The following CLINT1 variants were observed in gnomAD, a reference collection of about 807,000 sequenced individuals.
CLINT1 encodes clathrin interactor 1.
Under a neutral mutation model 70.4 loss-of-function variants are expected in CLINT1, and 15 were observed. That is an observed-to-expected ratio of 0.21 (90% CI 0.14 to 0.33). The LOEUF is 0.33. Among genes scored for constraint, CLINT1 ranks in the 10% least tolerant of loss-of-function variants. The pLI, the probability that CLINT1 is intolerant of heterozygous loss-of-function variation, is 1.00. For missense variants in CLINT1, 615 were observed against 778.1 expected, an observed-to-expected ratio of 0.79 and a Z score of 2.49; for synonymous variants, 227 against 254.7, an observed-to-expected ratio of 0.89 and a Z score of 1.04.
At chr5:157,790,411 G>A in intron 10 of CLINT1, 1 of 283,728 alleles carries the variant, frequency 3.5e-6, no homozygotes, top group South Asian at 3.4e-5. Flanking sequence ...GGAGAAAGAA[G>A]CAGAGGTTCC....
intron 1 of CLINT1, among the ~76,000 whole-genome samples, chr5:157,833,393 TA>T: frequency 6.6e-6 from 1 of 151,874 alleles, no homozygotes; most frequent in African/African-American, 2.4e-5. Flanking sequence ...TAACAAGATA[TA>T]AAAGGTCCTT....
intron 1 of CLINT1, among the ~76,000 whole-genome samples, chr5:157,840,290 T>C (rs1255399508): frequency 7.5e-6 from 1 of 133,610 alleles, no homozygotes; most frequent in African/African-American, 2.8e-5. Flanking sequence ...GTTTCCAAAA[T>C]GCCTGTCGTG....
intron 1 of CLINT1, among the ~76,000 whole-genome samples, chr5:157,847,505 C>T (rs1030458093): frequency 4.7e-5 from 7 of 149,326 alleles, no homozygotes; most frequent in Non-Finnish European, 7.5e-5. Context: ...AGCAAGACTC[C>T]GTCTCAAAAA....
intron 1 of CLINT1, among the ~76,000 whole-genome samples, chr5:157,828,699 G>A (rs1235335797): frequency 1.3e-5 from 2 of 152,002 alleles, no homozygotes; most frequent in Non-Finnish European, 2.9e-5. Flanking sequence ...AATTGCTAAA[G>A]AAGTATCCCT....
At chr5:157,857,866 C>T (rs192858514) in intron 1 of CLINT1, among the ~76,000 whole-genome samples, 20 of 152,258 alleles carry the variant, frequency 1.3e-4, no homozygotes, top group Middle Eastern at 3.4e-3. Flanking sequence ...TTCCTGGTGT[C>T]AAGAAAACAG....
At chr5:157,823,823 G>A in intron 1 of CLINT1, 1 of 317,920 alleles carries the variant, frequency 3.1e-6, no homozygotes, top group Non-Finnish European at 4.5e-6. Context: ...TGCATGGCAG[G>A]ACATGAGCAG....
intron 1 of CLINT1, among the ~76,000 whole-genome samples, chr5:157,817,910 A>C (rs1267659358): frequency 6.6e-6 from 1 of 152,236 alleles, no homozygotes; most frequent in African/African-American, 2.4e-5. Context: ...GATCTGGTTT[A>C]CATGCAATGC....
At chr5:157,825,628 AG>A (rs1424610776) in intron 1 of CLINT1, among the ~76,000 whole-genome samples, 3 of 152,228 alleles carry the variant, frequency 2.0e-5, no homozygotes, top group Non-Finnish European at 2.9e-5. Flanking sequence ...TTAAAATTAC[AG>A]AAAATGCTGT....
intron 3 of CLINT1, among the ~76,000 whole-genome samples, chr5:157,815,120 T>TACATAC (rs1554099946): frequency 7.0e-6 from 1 of 142,116 alleles, no homozygotes; most frequent in Non-Finnish European, 1.6e-5. Flanking sequence ...TCTTCACACA[T>TACATAC]ACACACACAC....
At chr5:157,848,508 A>ATT (rs879596346) in intron 1 of CLINT1, among the ~76,000 whole-genome samples, 3 of 144,478 alleles carry the variant, frequency 2.1e-5, no homozygotes, top group Non-Finnish European at 3.1e-5. Context: ...ACTGAATCCA[A>ATT]TTTTTTTTTT....
intron 1 of CLINT1, among the ~76,000 whole-genome samples, chr5:157,845,216 G>C (rs1753327493): frequency 6.6e-6 from 1 of 152,074 alleles, no homozygotes; most frequent in Non-Finnish European, 1.5e-5. Flanking sequence ...TGGCGTGGTG[G>C]CACACGCTTG....
chr5:157,788,475 A>G (rs1417246101), intron 11 of CLINT1, among the ~76,000 whole-genome samples: 1 of 152,236 alleles, frequency 6.6e-6, no homozygotes, highest in Admixed American at 6.5e-5. Flanking sequence ...GAAGATTTAT[A>G]CAAAATCTTG....
At chr5:157,845,408 T>C (rs1219696196) in intron 1 of CLINT1, among the ~76,000 whole-genome samples, 1 of 152,068 alleles carries the variant, frequency 6.6e-6, no homozygotes, top group Non-Finnish European at 1.5e-5. Context: ...TTTTCCCAAG[T>C]AATTTTTTAA....
At chr5:157,838,073 C>T (rs1404797068) in intron 1 of CLINT1, among the ~76,000 whole-genome samples, 2 of 151,456 alleles carry the variant, frequency 1.3e-5, no homozygotes, top group East Asian at 1.9e-4. Context: ...GGAAAAATGC[C>T]ACTTTTAACA....
At chr5:157,839,068 A>G (rs767405454) in intron 1 of CLINT1, among the ~76,000 whole-genome samples, 1 of 151,882 alleles carries the variant, frequency 6.6e-6, no homozygotes, top group African/African-American at 2.4e-5. Flanking sequence ...ATCTCTACAA[A>G]AAGTACAAAA....
chr5:157,853,778 A>AT (rs1753656816), intron 1 of CLINT1, among the ~76,000 whole-genome samples: 1 of 49,990 alleles, frequency 2.0e-5, no homozygotes, highest in Non-Finnish European at 4.2e-5. Flanking sequence ...ACACCATCTC[A>AT]AAAAAAAAAA....
intron 6 of CLINT1, among the ~76,000 whole-genome samples, chr5:157,806,988 G>C (rs1302531239): frequency 6.7e-6 from 1 of 149,124 alleles, no homozygotes; most frequent in East Asian, 2.0e-4. Flanking sequence ...GAGAGAGAGA[G>C]AGCGAAAGAG....
chr5:157,853,158 G>A (rs1753630268), intron 1 of CLINT1, among the ~76,000 whole-genome samples: 1 of 152,046 alleles, frequency 6.6e-6, no homozygotes, highest in South Asian at 2.1e-4. Context: ...GACCAGCCTG[G>A]CCAAAGTGAT....
chr5:157,790,585 A>G, intron 10 of CLINT1: 1 of 452,764 alleles, frequency 2.2e-6, no homozygotes. Flanking sequence ...TATTTCTGTT[A>G]CATAGAGCAG....
Sources: allele counts gnomAD v4.1 joint callset (sites outside exome capture counted in the v4.1 genomes callset), GRCh38; gene constraint gnomAD v4.1.1; transcripts MANE v1.5; gene names NCBI Gene and HGNC (gene_info 2026-07-23, HGNC 2026-07-21).